The following ENTREP2 variants were observed in gnomAD, a reference collection of about 807,000 sequenced individuals.
The protein encoded by ENTREP2 is protein ENTREP2.
chr15:29,479,425 T>C, the ENTREP2 span, among the ~76,000 whole-genome samples: 1 of 152,030 alleles, frequency 6.6e-6, no homozygotes, highest in Non-Finnish European at 1.5e-5. Flanking sequence ...TATTTCTTTA[T>C]AGCGACACAA....
At chr15:29,234,411 G>A in the ENTREP2 span, 2 of 1,529,182 alleles carry the variant, frequency 1.3e-6, no homozygotes, top group Non-Finnish European at 1.8e-6. Context: ...GCAATAAAAT[G>A]GGCAACCATT....
the ENTREP2 span, among the ~76,000 whole-genome samples, chr15:29,503,168 T>C: frequency 1.3e-5 from 2 of 152,126 alleles, no homozygotes; most frequent in Non-Finnish European, 2.9e-5. Context: ...GCGGCAATCA[T>C]AATAGTCTAA....
At chr15:29,187,840 T>C in the ENTREP2 span, among the ~76,000 whole-genome samples, 2 of 152,144 alleles carry the variant, frequency 1.3e-5, no homozygotes, top group South Asian at 2.1e-4. Flanking sequence ...CACAGACATA[T>C]AAGCTGCTCA....
At chr15:29,623,884 C>A in the ENTREP2 span, among the ~76,000 whole-genome samples, 1 of 152,086 alleles carries the variant, frequency 6.6e-6, no homozygotes, top group Non-Finnish European at 1.5e-5. Flanking sequence ...TACAGGCGCC[C>A]ACCACTACGC....
the ENTREP2 span, among the ~76,000 whole-genome samples, chr15:29,255,797 T>G: frequency 0.011 from 1,687 of 151,934 alleles, 57 homozygotes; most frequent in East Asian, 0.12. Context: ...GTCAGGAGAT[T>G]GAGACCATCC....
the ENTREP2 span, among the ~76,000 whole-genome samples, chr15:29,253,234 TAGAC>T: frequency 1.3e-5 from 2 of 152,218 alleles, no homozygotes; most frequent in East Asian, 1.9e-4. Flanking sequence ...TTAGGAATCT[TAGAC>T]AGTCTATGGG....
At chr15:29,627,168 T>C in the ENTREP2 span, among the ~76,000 whole-genome samples, 1 of 152,216 alleles carries the variant, frequency 6.6e-6, no homozygotes, top group Non-Finnish European at 1.5e-5. Flanking sequence ...TTTCGTTTCA[T>C]GCAGCTATGG....
At chr15:29,200,630 C>G in the ENTREP2 span, among the ~76,000 whole-genome samples, 7 of 152,030 alleles carry the variant, frequency 4.6e-5, no homozygotes, top group African/African-American at 7.2e-5. Context: ...GTGATCTCAC[C>G]TCACTGAAAC....
chr15:29,511,698 A>G, the ENTREP2 span, among the ~76,000 whole-genome samples: 1 of 151,360 alleles, frequency 6.6e-6, no homozygotes, highest in Non-Finnish European at 1.5e-5. Flanking sequence ...CTTCTGAATG[A>G]TAAAAACTGA....
chr15:29,558,330 C>G, the ENTREP2 span, among the ~76,000 whole-genome samples: 5 of 152,070 alleles, frequency 3.3e-5, no homozygotes, highest in Non-Finnish European at 4.4e-5. Flanking sequence ...CTCCCTCTCC[C>G]ACTCCAGCAT....
the ENTREP2 span, among the ~76,000 whole-genome samples, chr15:29,440,123 A>C: frequency 6.6e-6 from 1 of 152,252 alleles, no homozygotes; most frequent in Non-Finnish European, 1.5e-5. Context: ...GAGGAGATTC[A>C]AGAGATATGA....
the ENTREP2 span, among the ~76,000 whole-genome samples, chr15:29,607,774 G>T: frequency 2.0e-5 from 3 of 149,934 alleles, no homozygotes; most frequent in African/African-American, 7.5e-5. Context: ...GGTTCCCTAG[G>T]GGGACAGAAC....
the ENTREP2 span, chr15:29,266,054 G>T: frequency 6.6e-6 from 1 of 152,114 alleles, no homozygotes; most frequent in South Asian, 2.1e-4. Flanking sequence ...TGTGGGAGAA[G>T]GTATTTGCAC....
chr15:29,606,138 T>C, the ENTREP2 span, among the ~76,000 whole-genome samples: 1 of 152,184 alleles, frequency 6.6e-6, no homozygotes, highest in Non-Finnish European at 1.5e-5. Context: ...TTTTAATCTA[T>C]ATGGTTCCTC....
the ENTREP2 span, among the ~76,000 whole-genome samples, chr15:29,248,807 A>G: frequency 1.3e-5 from 2 of 152,118 alleles, no homozygotes; most frequent in African/African-American, 4.8e-5. Context: ...ATAAATGGGT[A>G]AACTTCCCTA....
the ENTREP2 span, among the ~76,000 whole-genome samples, chr15:29,257,301 G>A: frequency 6.6e-6 from 1 of 152,134 alleles, no homozygotes; most frequent in Non-Finnish European, 1.5e-5. Flanking sequence ...TGGAACACCT[G>A]ACCTCAGGTG....
chr15:29,659,800 A>ATG, the ENTREP2 span, among the ~76,000 whole-genome samples: 1 of 139,872 alleles, frequency 7.1e-6, no homozygotes, highest in African/African-American at 3.2e-5. Context: ...ATATGCCACT[A>ATG]TATTTTTTTT....
the ENTREP2 span, among the ~76,000 whole-genome samples, chr15:29,402,265 T>TATATATATATATATATATATATAC: frequency 0.014 from 1,882 of 137,292 alleles, 57 homozygotes; most frequent in South Asian, 0.03. Flanking sequence ...TATATATATA[T>TATATATATATATATATATATATAC]ACACACACAT....
the ENTREP2 span, among the ~76,000 whole-genome samples, chr15:29,206,220 C>G: frequency 8.5e-3 from 1,302 of 152,308 alleles, 19 homozygotes; most frequent in African/African-American, 0.03. Context: ...AGATGGATCA[C>G]TGTGTCCTCA....
Sources: allele counts gnomAD v4.1 joint callset (sites outside exome capture counted in the v4.1 genomes callset), GRCh38; gene constraint gnomAD v4.1.1; transcripts MANE v1.5; gene names NCBI Gene and HGNC (gene_info 2026-07-23, HGNC 2026-07-21).